PARG: variants seen among roughly 807,000 people sequenced by gnomAD.
PARG encodes the protein mitochondrial poly(ADP-ribose) glycohydrolase.
A neutral mutation model predicts 113.0 loss-of-function variants in PARG; 35 were observed. The observed-to-expected ratio is 0.31, with a 90% confidence interval of 0.24 to 0.41. The LOEUF (loss-of-function observed/expected upper bound fraction) is 0.41, where lower values mean the gene tolerates loss of function less well. Ranked by LOEUF, PARG falls within the 10% of genes least tolerant of loss-of-function variation. The pLI, the probability that PARG is intolerant of heterozygous loss-of-function variation, is 1.00. For missense variants in PARG, 797 were observed against 1,169.4 expected (o/e 0.68, Z 4.64); for synonymous variants, 330 against 409.9 (o/e 0.81, Z 2.36).
At chr10:49,927,118 C>G (rs1838209498) in intron 4 of PARG, among the ~76,000 whole-genome samples, 1 of 151,894 alleles carries the variant, frequency 6.6e-6, no homozygotes, top group Non-Finnish European at 1.5e-5. Context: ...ACCATCCTGG[C>G]CAACATGGTG....
In PARG at chr10:49,888,832, C is replaced by T. The variant is rs868930015; in HGVS notation, c.1738-3537G>A. 3.9e-5 allele frequency among the ~76,000 whole-genome samples: 6 copies of T among 152,208 alleles called. No individual in the cohort carries two copies. In the Middle Eastern group the frequency reaches 0.01, roughly 259 times the overall value. On this transcript the variant is annotated intron_variant, in intron 7 of 17. Transcript: ENST00000616448. ...TTTCAGTCCCACCCTCTTTCCCCTC[C>T]CTTTCTGTCCACACAAAGACACAAA...
At chr10:49,928,718 T>A (rs1194819874) in intron 4 of PARG, among the ~76,000 whole-genome samples, 3 of 152,210 alleles carry the variant, frequency 2.0e-5, no homozygotes, top group African/African-American at 7.2e-5. Flanking sequence ...TTGCCCAGGC[T>A]AGTCTTGAAC....
chr10:49,918,533 C>CA (rs2094797535), intron 6 of PARG, among the ~76,000 whole-genome samples: 1 of 152,180 alleles, frequency 6.6e-6, no homozygotes, highest in Admixed American at 6.5e-5. Flanking sequence ...ACAATAAGCA[C>CA]AAAAAATTCT....
At chr10:49,819,551 T>G (rs908876285) in intron 17 of PARG, 57 bp from the exon 18 acceptor site, 1 of 1,306,246 alleles carries the variant, frequency 7.7e-7, no homozygotes, top group East Asian at 2.5e-5. Context: ...GAAAAAACCT[T>G]AGAAAGAACA....
At chr10:49,899,974 T>C (rs1175702654) in intron 7 of PARG, among the ~76,000 whole-genome samples, 2 of 152,132 alleles carry the variant, frequency 1.3e-5, no homozygotes, top group African/African-American at 4.8e-5. Flanking sequence ...TAATTCACAC[T>C]GGAAATAACC....
chr10:49,887,617 A>C (rs1847560049), intron 7 of PARG, among the ~76,000 whole-genome samples: 1 of 152,198 alleles, frequency 6.6e-6, no homozygotes, highest in East Asian at 1.9e-4. Flanking sequence ...TGCAAGTATC[A>C]ATAGTTCACT....
chr10:49,852,699 G>T (rs1235812517), intron 13 of PARG, among the ~76,000 whole-genome samples: 2 of 150,944 alleles, frequency 1.3e-5, no homozygotes, highest in Non-Finnish European at 2.9e-5. Context: ...TGAGTAGCTG[G>T]GACTACGGGC....
chr10:49,918,589 G>A (rs1228127858), intron 6 of PARG, among the ~76,000 whole-genome samples: 1 of 152,160 alleles, frequency 6.6e-6, no homozygotes, highest in Non-Finnish European at 1.5e-5. Flanking sequence ...GTACTACTGT[G>A]TAAATCAACT....
intron 4 of PARG, among the ~76,000 whole-genome samples, chr10:49,926,401 C>T (rs1351027335): frequency 5.3e-5 from 8 of 152,064 alleles, no homozygotes; most frequent in African/African-American, 1.9e-4. Flanking sequence ...CCAATAGCCA[C>T]TCATGGAAGT....
intron 7 of PARG, among the ~76,000 whole-genome samples, chr10:49,905,624 AAGG>A (rs1463921159): frequency 2.6e-5 from 4 of 152,266 alleles, no homozygotes; most frequent in Admixed American, 1.3e-4. Flanking sequence ...CTATTCCCAG[AAGG>A]AGGATATAAT....
intron 16 of PARG, among the ~76,000 whole-genome samples, chr10:49,822,572 A>G (rs1265185526): frequency 3.3e-5 from 5 of 152,222 alleles, no homozygotes; most frequent in Non-Finnish European, 7.4e-5. Context: ...GTGTTAGAAT[A>G]GGAACATCCT....
At chr10:49,920,127 G>C (rs1837715346) in intron 6 of PARG, among the ~76,000 whole-genome samples, 1 of 151,962 alleles carries the variant, frequency 6.6e-6, no homozygotes, top group South Asian at 2.1e-4. Flanking sequence ...TGATATAGCT[G>C]TATAAGCACT....
chr10:49,924,765 AGCTCT>A (rs1838067902), intron 4 of PARG, among the ~76,000 whole-genome samples: 1 of 151,976 alleles, frequency 6.6e-6, no homozygotes, highest in African/African-American at 2.4e-5. Flanking sequence ...ACAGATACCA[AGCTCT>A]GAAAGAAACG....
chr10:49,906,238 C>T (rs1359932420), intron 7 of PARG, among the ~76,000 whole-genome samples: 1 of 151,254 alleles, frequency 6.6e-6, no homozygotes, highest in Non-Finnish European at 1.5e-5. Flanking sequence ...CCACCTCAGC[C>T]TCCCAAAGTA....
intron 6 of PARG, among the ~76,000 whole-genome samples, chr10:49,919,536 A>C (rs1837682487): frequency 6.6e-6 from 1 of 152,198 alleles, no homozygotes. Flanking sequence ...ACGAACCTTC[A>C]TCCAGATGTG....
intron 9 of PARG, among the ~76,000 whole-genome samples, chr10:49,876,561 C>T (rs1326496779): frequency 2.6e-5 from 4 of 152,190 alleles, no homozygotes; most frequent in African/African-American, 4.8e-5. Context: ...GAGGTACACA[C>T]AGGCTAGCAT....
intron 7 of PARG, among the ~76,000 whole-genome samples, chr10:49,911,238 G>A (rs1478595380): frequency 4.0e-5 from 6 of 150,744 alleles, no homozygotes; most frequent in East Asian, 1.9e-4. Flanking sequence ...GGCCAAGATC[G>A]TGCCACTCCA....
chr10:49,883,125 T>C (rs1214036929), intron 8 of PARG, among the ~76,000 whole-genome samples: 1 of 152,236 alleles, frequency 6.6e-6, no homozygotes, highest in Admixed American at 6.5e-5. Context: ...ATTGAAAACA[T>C]CACACTGGAA....
At chr10:49,883,807 GAA>G (rs781945080) in intron 8 of PARG, among the ~76,000 whole-genome samples, 2 of 90,006 alleles carry the variant, frequency 2.2e-5, no homozygotes, top group African/African-American at 3.7e-5. Context: ...GTCTCAAAAA[GAA>G]AAAAAAAAAA....
Sources: allele counts gnomAD v4.1 joint callset (sites outside exome capture counted in the v4.1 genomes callset), GRCh38; gene constraint gnomAD v4.1.1; transcripts MANE v1.5; gene names NCBI Gene and HGNC (gene_info 2026-07-23, HGNC 2026-07-21).